ERICH3: variants seen among roughly 807,000 people sequenced by gnomAD.
The protein encoded by ERICH3 is glutamate rich 3.
A neutral mutation model predicts 131.1 loss-of-function variants in ERICH3; 126 were observed. The observed-to-expected ratio is 0.96, with a 90% confidence interval of 0.83 to 1.11. The LOEUF (loss-of-function observed/expected upper bound fraction) is 1.11, where lower values mean the gene tolerates loss of function less well. Ranked by LOEUF, ERICH3 falls within the 50% of genes most tolerant of loss-of-function variation. The probability of loss-of-function intolerance (pLI) is 0.00; values close to 1 mark genes in which losing one functional copy is unlikely to be tolerated. For synonymous variants in ERICH3, 695 were observed against 644.6 expected, an observed-to-expected ratio of 1.08 and a Z score of -1.18; for missense variants, 2,050 against 1,810.7, an observed-to-expected ratio of 1.13 and a Z score of -2.40.
chr1:74,649,566 G>A (rs990315896), intron 1 of ERICH3, among the ~76,000 whole-genome samples: 1 of 152,054 alleles, frequency 6.6e-6, no homozygotes, highest in African/African-American at 2.4e-5. Flanking sequence ...AAGTAAAGTG[G>A]ATGGGGAAAG....
chr1:74,648,710 T>A (rs1379229232), intron 2 of ERICH3, among the ~76,000 whole-genome samples: 1 of 152,160 alleles, frequency 6.6e-6, no homozygotes, highest in East Asian at 1.9e-4. Context: ...TTTAGAAGAA[T>A]AGAAATTTTG....
At chr1:74,580,747 G>A (rs1301568485) in intron 12 of ERICH3, among the ~76,000 whole-genome samples, 2 of 152,150 alleles carry the variant, frequency 1.3e-5, no homozygotes, top group African/African-American at 2.4e-5. Context: ...AACTCTTTAT[G>A]TATTACAGAC....
chr1:74,640,769 A>G (rs529673440), intron 5 of ERICH3, among the ~76,000 whole-genome samples: 23 of 152,288 alleles, frequency 1.5e-4, no homozygotes, highest in Non-Finnish European at 3.1e-4. Flanking sequence ...ATTTTAGAGT[A>G]TGTGCACAGA....
At chr1:74,636,856 C>G (rs547317357) in intron 5 of ERICH3, among the ~76,000 whole-genome samples, 22 of 152,214 alleles carry the variant, frequency 1.4e-4, no homozygotes, top group Admixed American at 1.2e-3. Context: ...TAAATGTCTT[C>G]AATATAAACT....
chr1:74,604,661 A>G (rs902727214), intron 10 of ERICH3, among the ~76,000 whole-genome samples: 3 of 151,960 alleles, frequency 2.0e-5, no homozygotes, highest in African/African-American at 7.2e-5. Flanking sequence ...GACCAGGTAC[A>G]TTGTCAATGA....
rs908416361 is a variant in ERICH3 at position 74,572,736 on chromosome 1, T to C, written c.2974A>G (p.Thr992Ala). ...KERKEVMRTE[T>A]RLSPFTGEAE... ...TCTCCTGTGAAGGGGCTCAAGCGTG[T>C]TTCTGTTCTCATAACCTCTTTTCTC... The change falls in exon 14 of 15, where the codon ACA becomes GCA. Residue 992 changes from threonine (T) to alanine (A), a missense_variant. Transcript: ENST00000326665. 1 of 1,613,728 alleles carries C rather than the reference T, an allele frequency of 6.2e-7. No individual in the cohort carries two copies. Among genetic ancestry groups the C allele is most frequent in the Non-Finnish European group, 8.5e-7 (1 of 1,179,928 alleles).
chr1:74,631,426 G>A (rs1372394874), intron 7 of ERICH3, among the ~76,000 whole-genome samples: 3 of 152,030 alleles, frequency 2.0e-5, no homozygotes, highest in Admixed American at 1.3e-4. Flanking sequence ...GACTGAACAG[G>A]TGCATTTAAG....
chr1:74,608,271 A>G (rs951595246), intron 9 of ERICH3, among the ~76,000 whole-genome samples: 12 of 151,986 alleles, frequency 7.9e-5, no homozygotes, highest in African/African-American at 2.4e-4. Context: ...CAAGACCTGG[A>G]TAAAATCCAT....
chr1:74,669,068 C>T (rs1570925514), intron 1 of ERICH3, among the ~76,000 whole-genome samples: 1 of 152,092 alleles, frequency 6.6e-6, no homozygotes, highest in Non-Finnish European at 1.5e-5. Flanking sequence ...CTCCTGGATA[C>T]ACATACTCTG....
At chr1:74,632,648 A>G (rs1301912005) in intron 6 of ERICH3, among the ~76,000 whole-genome samples, 1 of 151,946 alleles carries the variant, frequency 6.6e-6, no homozygotes, top group Non-Finnish European at 1.5e-5. Context: ...ATGTTTAACT[A>G]AAACTTGCTT....
Position 74,572,711 on chromosome 1 carries a change from T to C in ERICH3, c.2999A>G (p.Glu1000Gly), listed in dbSNP as rs1430285005. 2 of 1,613,624 alleles carry C rather than the reference T, an allele frequency of 1.2e-6. No homozygotes were observed. Among genetic ancestry groups the C allele is most frequent in the African/African-American group, 2.7e-5 (2 of 74,756 alleles). ...TETRLSPFTG[E>G]AEASRMQVSE... ...AACCTGCATCCGGCTTGCCTCTGCC[T>C]CTCCTGTGAAGGGGCTCAAGCGTGT... The change falls in exon 14 of 15, where the codon GAG (glutamate) becomes GGG (glycine). Residue 1000 changes from glutamate to glycine, a missense_variant. Coordinates refer to ENST00000326665, the MANE Select transcript of ERICH3 (RefSeq NM_001002912.5).
At chr1:74,626,125 A>G (rs1283022337) in intron 7 of ERICH3, 2 of 152,188 alleles carry the variant, frequency 1.3e-5, no homozygotes, top group Non-Finnish European at 2.9e-5. Context: ...ATCTTTTTAA[A>G]TTGACTATTA....
chr1:74,665,092 T>C (rs920114432), intron 1 of ERICH3, among the ~76,000 whole-genome samples: 4 of 152,026 alleles, frequency 2.6e-5, no homozygotes, highest in Admixed American at 1.3e-4. Flanking sequence ...AAAACCCTCA[T>C]GAATGGAATT....
intron 12 of ERICH3, chr1:74,586,543 G>T (rs889240599): frequency 3.7e-5 from 35 of 955,022 alleles, no homozygotes; most frequent in Admixed American, 6.2e-5. Flanking sequence ...TGAGAAAAAA[G>T]TTTATCAAAA....
intron 12 of ERICH3, among the ~76,000 whole-genome samples, chr1:74,588,443 G>A (rs975220439): frequency 2.6e-5 from 4 of 152,092 alleles, no homozygotes; most frequent in African/African-American, 4.8e-5. Flanking sequence ...AATATTGGTT[G>A]AAGTAATAGA....
chr1:74,638,706 A>G (rs1387575143), intron 5 of ERICH3, among the ~76,000 whole-genome samples: 2 of 152,166 alleles, frequency 1.3e-5, no homozygotes, highest in Admixed American at 6.5e-5. Context: ...GGCCAATAAG[A>G]TGAGAGCAGA....
At chr1:74,626,369 G>A (rs1469619077) in intron 7 of ERICH3, among the ~76,000 whole-genome samples, 2 of 152,148 alleles carry the variant, frequency 1.3e-5, no homozygotes, top group East Asian at 3.9e-4. Context: ...CCTATCAATT[G>A]GGCATCTGTA....
At chr1:74,593,216 A>G (rs147930686) in intron 11 of ERICH3, among the ~76,000 whole-genome samples, 140 of 152,248 alleles carry the variant, frequency 9.2e-4, no homozygotes, top group African/African-American at 3.0e-3. Flanking sequence ...TTCTCTTTCC[A>G]CAGTCAGGAG....
At chr1:74,590,158 T>A in intron 11 of ERICH3, 78 bp from the exon 12 acceptor site, 2 of 1,222,332 alleles carry the variant, frequency 1.6e-6, no homozygotes, top group Non-Finnish European at 2.2e-6. Flanking sequence ...TGTTAGCAAT[T>A]AATAATACTA....
Sources: allele counts gnomAD v4.1 joint callset (sites outside exome capture counted in the v4.1 genomes callset), GRCh38; gene constraint gnomAD v4.1.1; transcripts MANE v1.5; gene names NCBI Gene and HGNC (gene_info 2026-07-23, HGNC 2026-07-21).